Variants in KIF5C observed in about 807,000 individuals in gnomAD.
The protein encoded by KIF5C is kinesin family member 5C.
A neutral mutation model predicts 125.2 loss-of-function variants in KIF5C; 18 were observed. The ratio of observed to expected loss-of-function variants is 0.14; its 90% CI spans 0.10 to 0.21. The LOEUF (loss-of-function observed/expected upper bound fraction) is 0.21. Among genes scored for constraint, KIF5C ranks in the 10% least tolerant of loss-of-function variants. The probability of loss-of-function intolerance (pLI) is 1.00; values close to 1 mark genes in which losing one functional copy is unlikely to be tolerated. For missense variants in KIF5C, 780 were observed against 1,183.8 expected, an observed-to-expected ratio of 0.66 and a Z score of 5.01; for synonymous variants, 405 against 434.0, an observed-to-expected ratio of 0.93 and a Z score of 0.83.
chr2:148,959,723 G>A (rs533487619), intron 10 of KIF5C, among the ~76,000 whole-genome samples: 2 of 152,240 alleles, frequency 1.3e-5, no homozygotes, highest in South Asian at 4.2e-4. Flanking sequence ...ACTGGTTTGG[G>A]CTCATGCAAT....
intron 12 of KIF5C, among the ~76,000 whole-genome samples, chr2:148,978,157 A>C (rs951667425): frequency 6.6e-6 from 1 of 152,050 alleles, no homozygotes; most frequent in African/African-American, 2.4e-5. Flanking sequence ...CTTTGCCTGC[A>C]CTGGGGGTGG....
intron 1 of KIF5C, among the ~76,000 whole-genome samples, chr2:148,921,363 A>T (rs1681779731): frequency 6.6e-6 from 1 of 152,220 alleles, no homozygotes; most frequent in African/African-American, 2.4e-5. Flanking sequence ...TGTGCATGAG[A>T]AAGAAAACAC....
intron 7 of KIF5C, among the ~76,000 whole-genome samples, chr2:148,945,341 T>C (rs1682496716): frequency 6.6e-6 from 1 of 152,216 alleles, no homozygotes; most frequent in Admixed American, 6.5e-5. Context: ...AACATTAATA[T>C]ATTTTTTGCA....
At chr2:148,966,375 T>C (rs534654116) in intron 11 of KIF5C, among the ~76,000 whole-genome samples, 3 of 146,756 alleles carry the variant, frequency 2.0e-5, no homozygotes, top group Admixed American at 1.4e-4. Context: ...CACACACACA[T>C]GCTTGTGCTT....
intron 1 of KIF5C, among the ~76,000 whole-genome samples, chr2:148,907,981 G>A (rs1339047109): frequency 6.6e-6 from 1 of 152,236 alleles, no homozygotes; most frequent in Non-Finnish European, 1.5e-5. Context: ...TAGTCCTCGG[G>A]CTGTTCCTGT....
At chr2:149,018,779 A>T (rs1682445480) in intron 25 of KIF5C, among the ~76,000 whole-genome samples, 1 of 152,110 alleles carries the variant, frequency 6.6e-6, no homozygotes, top group African/African-American at 2.4e-5. Flanking sequence ...GGCTGTGGTG[A>T]GCCATGTTTG....
At chr2:148,877,172 C>T (rs1246029245) in intron 1 of KIF5C, 3 of 152,302 alleles carry the variant, frequency 2.0e-5, no homozygotes, top group African/African-American at 7.2e-5. Flanking sequence ...GGCGGGAGCT[C>T]TCCACGCTAG....
At chr2:148,875,855 G>A (rs2105028920) in intron 1 of KIF5C, 112 bp downstream of exon 1, 2 of 1,443,902 alleles carry the variant, frequency 1.4e-6, no homozygotes, top group African/African-American at 1.4e-5. Flanking sequence ...TTCCCGCGGG[G>A]CTGGCCTCTC....
chr2:148,988,398 A>T (rs991715744), intron 15 of KIF5C, among the ~76,000 whole-genome samples: 6 of 152,170 alleles, frequency 3.9e-5, no homozygotes, highest in Admixed American at 3.9e-4. Context: ...ATTTTGGAGG[A>T]AGCCCATCTT....
chr2:149,000,343 G>C, intron 19 of KIF5C, 80 bp from the exon 20 acceptor site: 1 of 1,511,988 alleles, frequency 6.6e-7, no homozygotes, highest in South Asian at 1.2e-5. Flanking sequence ...AATAGGGTTG[G>C]AACAGAACCA....
rs545651723 is a variant in KIF5C, at chr2:148,971,744, A to G, written c.1118-1592A>G. ...TGGGTGTTAATTTTACTTAACACGGAGGCCCCATGTAGTATTTTGTGGTTA... is the reference window on the plus strand; with the variant it reads ...TGGGTGTTAATTTTACTTAACACGGGGGCCCCATGTAGTATTTTGTGGTTA... On this transcript the variant is annotated intron_variant, in intron 11 of 25. Transcript: ENST00000435030. 9.8e-5 allele frequency among the ~76,000 whole-genome samples: 15 copies of G among 152,316 alleles called. No individual in the cohort carries two copies. The South Asian group carries it at 2.7e-3, about 27-fold the overall frequency.
At chr2:149,012,059 C>G (rs937637119) in intron 25 of KIF5C, among the ~76,000 whole-genome samples, 3 of 152,176 alleles carry the variant, frequency 2.0e-5, no homozygotes, top group African/African-American at 7.2e-5. Context: ...TTGGGGGTTG[C>G]TTTAAGTCTC....
intron 15 of KIF5C, 54 bp from the exon 16 acceptor site, chr2:148,990,956 G>A (rs763950441): frequency 7.7e-6 from 12 of 1,557,736 alleles, no homozygotes; most frequent in East Asian, 6.9e-5. Context: ...CAGGGAGTCC[G>A]TGAACCTATG....
intron 8 of KIF5C, 68 bp from the exon 9 acceptor site, chr2:148,949,771 A>G: frequency 1.3e-6 from 2 of 1,557,436 alleles, no homozygotes; most frequent in Non-Finnish European, 1.7e-6. Flanking sequence ...CCCTCGTGTG[A>G]ATTTGAAATT....
At chr2:149,005,091 T>G (rs1188182633) in intron 21 of KIF5C, among the ~76,000 whole-genome samples, 1 of 152,224 alleles carries the variant, frequency 6.6e-6, no homozygotes, top group Admixed American at 6.5e-5. Context: ...GGAATTTTTG[T>G]GAGGAAACCT....
chr2:148,940,024 G>A (rs1243090727), intron 4 of KIF5C, among the ~76,000 whole-genome samples: 1 of 152,146 alleles, frequency 6.6e-6, no homozygotes, highest in African/African-American at 2.4e-5. Flanking sequence ...CCAGTATCTA[G>A]TTTGTGACTT....
chr2:149,012,279 T>C (rs570650795), intron 25 of KIF5C, among the ~76,000 whole-genome samples: 1 of 152,354 alleles, frequency 6.6e-6, no homozygotes, highest in Non-Finnish European at 1.5e-5. Flanking sequence ...AGTGATATTC[T>C]TTCCAAAAGA....
In KIF5C at chr2:148,978,953, C is replaced by G; in HGVS notation, c.1325C>G (p.Ala442Gly). The stretch of plus-strand genomic sequence containing the variant: ...GAAATTAACCAGCAGAGCCAGCTGG[C>G]TGAAAAGCTGAAGCAACAGATGTTG... ...DDEINQQSQL[A>G]EKLKQQMLDQ... The change falls in exon 13 of 26, where the codon GCT (alanine) becomes GGT (glycine). Residue 442 changes from alanine to glycine, a missense_variant. Transcript: ENST00000435030. 1 of 1,594,454 alleles carries G rather than the reference C, an allele frequency of 6.3e-7. No individual in the cohort carries two copies. The highest frequency in any genetic ancestry group is 8.5e-7 in the Non-Finnish European group (1 of 1,170,418).
chr2:148,955,045 A>G lies in KIF5C; in HGVS notation c.968+4583A>G, dbSNP rs574479339. On this transcript the variant is annotated intron_variant, in intron 10 of 25. Coordinates refer to ENST00000435030, the MANE Select transcript of KIF5C (RefSeq NM_004522.3). The stretch of plus-strand genomic sequence containing the variant: ...TCCATGTCATTTCTGAATGTTTCTC[A>G]GGAGACTAGAACTTTTTAAAGACAC... Among the ~76,000 whole-genome samples, 6 of 152,278 alleles carry G rather than the reference A, an allele frequency of 3.9e-5. 1 individual carries two copies. In the South Asian group the frequency reaches 8.3e-4, roughly 21 times the overall value.
Sources: allele counts gnomAD v4.1 joint callset (sites outside exome capture counted in the v4.1 genomes callset), GRCh38; gene constraint gnomAD v4.1.1; transcripts MANE v1.5; gene names NCBI Gene and HGNC (gene_info 2026-07-23, HGNC 2026-07-21).